Variants in YY1AP1 observed in about 807,000 individuals in gnomAD.
YY1AP1 encodes the protein YY1-associated protein 1.
YY1AP1 carries 43 observed loss-of-function variants against 39.9 expected under a neutral mutation model. The observed-to-expected ratio is 1.08, with a 90% CI of 0.84 to 1.39. The LOEUF is 1.39. Among genes scored for constraint, YY1AP1 ranks in the 40% most tolerant of loss-of-function variants. The probability of loss-of-function intolerance (pLI) is 0.00; values close to 1 mark genes in which losing one functional copy is unlikely to be tolerated. For synonymous variants in YY1AP1, 292 were observed against 331.3 expected (o/e 0.88, Z 1.29); for missense variants, 813 against 900.7 (o/e 0.90, Z 1.25).
intron 5 of YY1AP1, among the ~76,000 whole-genome samples, chr1:155,675,396 C>T (rs917740850): frequency 1.1e-4 from 17 of 152,118 alleles, no homozygotes; most frequent in East Asian, 7.7e-4. Context: ...GGCGTGATCT[C>T]GGCTCACTGT....
intron 6 of YY1AP1, among the ~76,000 whole-genome samples, chr1:155,673,189 T>C (rs1650108374): frequency 6.6e-6 from 1 of 152,138 alleles, no homozygotes; most frequent in Non-Finnish European, 1.5e-5. Context: ...CTGATTTTTG[T>C]ATTTTTTGCA....
At position 155,688,077 on chromosome 1, in the gene YY1AP1, G is replaced by A. The variant is rs1466553299; in HGVS notation, c.-27C>T. 10 of 1,584,420 alleles carry A rather than the reference G, an allele frequency of 6.3e-6. No individual in the cohort carries two copies. Among genetic ancestry groups the A allele is most frequent in the Non-Finnish European group, 8.6e-6 (10 of 1,161,412 alleles). ...CCCAAATCGTTCTACTCACCGTGTCGGAGGCCGAGAGCGATGAGAGTACAG... is the reference window on the plus strand; with the variant it reads ...CCCAAATCGTTCTACTCACCGTGTCAGAGGCCGAGAGCGATGAGAGTACAG... On this transcript the variant is annotated 5_prime_UTR_variant, in exon 2 of 11. Coordinates refer to ENST00000355499, the MANE Select transcript of YY1AP1 (RefSeq NM_139119.3).
chr1:155,660,365 G>T lies in YY1AP1; in HGVS notation c.1545C>A (p.Ser515=), dbSNP rs867201620. ...GCTTTCGAAACATGGAAGAGGCAGGGGAGGGCATCATTACCTTGGGCACAG... is the reference window on the plus strand; with the variant it reads ...GCTTTCGAAACATGGAAGAGGCAGGTGAGGGCATCATTACCTTGGGCACAG... ...SAPVPKVMMP[S]PASSMFRKPY... is the part of the protein sequence containing the mutation. Residue 515 remains serine, a synonymous_variant, in exon 11 of 11, where the codon TCC becomes TCA. Transcript: ENST00000355499. The T allele has an allele frequency of 4.3e-6, 7 of 1,614,044 alleles. No homozygotes were observed. Among genetic ancestry groups the T allele is most frequent in the Middle Eastern group, 1.6e-4 (1 of 6,084 alleles).
At position 155,682,164 on chromosome 1, in the gene YY1AP1, G is replaced by A. The variant is rs145118218; in HGVS notation, c.-20-1708C>T. 1.4e-4 allele frequency among the ~76,000 whole-genome samples: 22 copies of A among 152,156 alleles called. No individual in the cohort carries two copies. The East Asian group carries it at 4.2e-3, about 29-fold the overall frequency. On this transcript the variant is annotated intron_variant, in intron 2 of 10. Coordinates refer to ENST00000355499, the MANE Select transcript of YY1AP1 (RefSeq NM_139119.3). ...ATCTTTGTTCTGAGTTCTGACTCTTGTTCTACAAATATTCAAAGTCGAAAT... is the reference window on the plus strand; with the variant it reads ...ATCTTTGTTCTGAGTTCTGACTCTTATTCTACAAATATTCAAAGTCGAAAT...
At chr1:155,667,090 G>A (rs535529141) in intron 9 of YY1AP1, among the ~76,000 whole-genome samples, 23 of 152,230 alleles carry the variant, frequency 1.5e-4, no homozygotes, top group Admixed American at 2.6e-4. Flanking sequence ...GGAGGCTGAC[G>A]TTGGAAGAAT....
At chr1:155,667,515 A>G (rs1003203577) in intron 9 of YY1AP1, among the ~76,000 whole-genome samples, 31 of 151,528 alleles carry the variant, frequency 2.0e-4, no homozygotes, top group Admixed American at 1.8e-3. Context: ...AAAAAAAAAC[A>G]TAAATAAATA....
intron 7 of YY1AP1, chr1:155,671,003 C>T (rs1649782363): frequency 6.4e-6 from 1 of 156,864 alleles, no homozygotes; most frequent in Non-Finnish European, 1.4e-5. Flanking sequence ...ACACTTTATT[C>T]ACAAAGTAAA....
intron 9 of YY1AP1, among the ~76,000 whole-genome samples, chr1:155,665,852 T>A (rs1571322426): frequency 7.1e-6 from 1 of 140,354 alleles, no homozygotes; most frequent in East Asian, 2.1e-4. Flanking sequence ...AATAAGAGGA[T>A]CTAACACAGT....
In YY1AP1 at chr1:155,672,574, GTT is replaced by G. The variant is rs780880218; in HGVS notation, c.567_568del (p.Lys189AsnfsTer8). 1 of 1,612,164 alleles carries G rather than the reference GTT, an allele frequency of 6.2e-7. No homozygotes were observed. The highest frequency in any genetic ancestry group is 8.5e-7 in the Non-Finnish European group (1 of 1,178,498). On this transcript the variant is annotated frameshift_variant, in exon 7 of 11. Coordinates refer to ENST00000355499, the MANE Select transcript of YY1AP1 (RefSeq NM_139119.3). LOFTEE classifies it high-confidence loss of function. ...CTGTCTCCTACCAGTCTTCTTGACAGTTTTATGAGGGCTGCAGTCAATGCTGA... is the reference window on the plus strand; with the variant it reads ...CTGTCTCCTACCAGTCTTCTTGACAGTTATGAGGGCTGCAGTCAATGCTGA...
rs1310287735 is a variant in YY1AP1 at position 155,688,179 on chromosome 1, G to A, written c.-129C>T. Reference sequence around the variant, plus strand: ...ACCGCGGATCCCTCCCGCTTGTCAGGAGGCGGCCAGCGGGTAAGCCGACTG... The same window carrying A: ...ACCGCGGATCCCTCCCGCTTGTCAGAAGGCGGCCAGCGGGTAAGCCGACTG... On this transcript the variant is annotated 5_prime_UTR_variant, in exon 2 of 11. Transcript: ENST00000355499. 5 of 1,613,942 alleles carry A rather than the reference G, an allele frequency of 3.1e-6. No homozygotes were observed. Among genetic ancestry groups the A allele is most frequent in the African/African-American group, 1.3e-5 (1 of 74,956 alleles).
Position 155,660,480 on chromosome 1 carries a change from A to G in YY1AP1, c.1430T>C (p.Phe477Ser). 6.2e-7 allele frequency: 1 copy of G among 1,614,110 alleles called. No individual in the cohort carries two copies. Among genetic ancestry groups the G allele is most frequent in the Non-Finnish European group, 8.5e-7 (1 of 1,180,008 alleles). ...PPLGVSGGES[F>S]ESPAALPAMP... Reference sequence around the variant, plus strand: ...AGCAGGCAGTGCTGCAGGAGACTCAAAACTCTCACCTCCACTGACCCCCAG... The same window carrying G: ...AGCAGGCAGTGCTGCAGGAGACTCAGAACTCTCACCTCCACTGACCCCCAG... The change falls in exon 11 of 11, where the codon TTT becomes TCT. Residue 477 changes from phenylalanine (F) to serine (S), a missense_variant. This residue lies in a region of YY1AP1 where 586 missense variants were observed against 647.4 expected (regional missense o/e 0.91). Transcript: ENST00000355499.
intron 5 of YY1AP1, among the ~76,000 whole-genome samples, chr1:155,675,883 C>T (rs1490858553): frequency 6.6e-6 from 1 of 152,166 alleles, no homozygotes; most frequent in Non-Finnish European, 1.5e-5. Flanking sequence ...AACAAAATGA[C>T]AGAACCAGAG....
chr1:155,680,590 A>C, intron 2 of YY1AP1, 134 bp from the exon 3 acceptor site: 2 of 724,110 alleles, frequency 2.8e-6, no homozygotes, highest in Non-Finnish European at 4.7e-6. Flanking sequence ...TTCCTGAGAC[A>C]GGGTCTCACT....
At chr1:155,679,552 G>C in intron 3 of YY1AP1, 40 bp from the exon 4 acceptor site, 1 of 1,613,846 alleles carries the variant, frequency 6.2e-7, no homozygotes, top group Non-Finnish European at 8.5e-7. Flanking sequence ...TGGGGAATGG[G>C]CTTTTGAATG....
Position 155,679,417 on chromosome 1 carries a change from T to C in YY1AP1, c.117A>G (p.Gln39=), listed in dbSNP as rs570965677. The C allele has an allele frequency of 2.4e-5, 39 of 1,614,124 alleles. No homozygotes were observed. Among genetic ancestry groups the C allele is most frequent in the Non-Finnish European group, 3.1e-5 (37 of 1,180,014 alleles). The change falls in exon 4 of 11, where the codon CAA becomes CAG. Residue 39 remains glutamine, a synonymous_variant. Transcript: ENST00000355499. ...GTCTTCAACTAGCCTACCGTAGAGC[T>C]TGAGGGGTGTTAAAGTTAGCTTGAG... The part of the protein sequence containing the change: ...AEPQANFNTP[Q]ALRFEELLAN...
At chr1:155,662,915 A>C (rs910876599) in intron 9 of YY1AP1, among the ~76,000 whole-genome samples, 2 of 152,000 alleles carry the variant, frequency 1.3e-5, no homozygotes, top group African/African-American at 4.8e-5. Flanking sequence ...GAGGCAGGAG[A>C]ATCACTTGAA....
intron 7 of YY1AP1, chr1:155,671,192 A>C (rs1251546121): frequency 6.6e-6 from 1 of 151,508 alleles, no homozygotes; most frequent in East Asian, 2.0e-4. Flanking sequence ...GCACTTTGGG[A>C]GGCCGAGGCA....
chr1:155,685,794 T>C (rs561415199), intron 2 of YY1AP1, among the ~76,000 whole-genome samples: 4 of 152,194 alleles, frequency 2.6e-5, no homozygotes, highest in Non-Finnish European at 4.4e-5. Context: ...TAAAATCATA[T>C]ATATAAATCA....
Position 155,660,894 on chromosome 1 carries a change from TG to T in YY1AP1, c.1015del (p.Gln339ArgfsTer14). 1 of 1,614,192 alleles carries T rather than the reference TG, an allele frequency of 6.2e-7. No individual in the cohort carries two copies. Among genetic ancestry groups the T allele is most frequent in the Non-Finnish European group, 8.5e-7 (1 of 1,180,042 alleles). ...ATCAGCCATGTGCCGCAGTTCTTCCTGGATGGATGGCAGACTGGCCTATTGG... is the reference window on the plus strand; with the variant it reads ...ATCAGCCATGTGCCGCAGTTCTTCCTGATGGATGGCAGACTGGCCTATTGG... ...FWLKASLPSI[Q>X]EELRHMADGA... On this transcript the variant is annotated frameshift_variant, in exon 11 of 11. Transcript: ENST00000355499. LOFTEE classifies it low-confidence loss of function (END_TRUNC).
Sources: allele counts gnomAD v4.1 joint callset (sites outside exome capture counted in the v4.1 genomes callset), GRCh38; gene constraint gnomAD v4.1.1; regional missense constraint gnomAD v4.1.1; transcripts MANE v1.5; gene names NCBI Gene and HGNC (gene_info 2026-07-23, HGNC 2026-07-21).